SPAG16: variants seen among roughly 807,000 people sequenced by gnomAD.
SPAG16 encodes sperm-associated antigen 16 protein.
SPAG16 carries 86 observed loss-of-function variants against 80.4 expected under a neutral mutation model. That is an observed-to-expected ratio of 1.07 (90% confidence interval 0.90 to 1.28). SPAG16 has a LOEUF of 1.28. Among genes scored for constraint, SPAG16 ranks in the 50% most tolerant of loss-of-function variants. The probability of loss-of-function intolerance (pLI) is 0.00; values close to 1 mark genes in which losing one functional copy is unlikely to be tolerated. For synonymous variants in SPAG16, 294 were observed against 265.9 expected, an observed-to-expected ratio of 1.11 and a Z score of -1.03; for missense variants, 870 against 765.3, an observed-to-expected ratio of 1.14 and a Z score of -1.61.
intron 15 of SPAG16, among the ~76,000 whole-genome samples, chr2:214,163,177 C>T (rs911229208): frequency 3.3e-5 from 5 of 151,894 alleles, no homozygotes; most frequent in Non-Finnish European, 7.4e-5. Context: ...TATGAATAAT[C>T]ATTATACATT....
At chr2:213,836,860 G>A (rs1966559) in intron 10 of SPAG16, among the ~76,000 whole-genome samples, 55,310 of 151,662 alleles carry the variant, frequency 0.36, 10,429 homozygotes, top group East Asian at 0.53. Flanking sequence ...GTGATCCCCC[G>A]GTCTCAGCCT....
At chr2:213,530,149 C>G (rs1308672453) in intron 10 of SPAG16, among the ~76,000 whole-genome samples, 2 of 152,146 alleles carry the variant, frequency 1.3e-5, no homozygotes, top group African/African-American at 2.4e-5. Context: ...TTTTAATAAG[C>G]TAGAGTATAC....
rs538183960 is a variant in SPAG16, at chr2:213,317,626, A to G, written c.536+270A>G. 7.5e-6 allele frequency: 8 copies of G among 1,068,838 alleles called. No homozygotes were observed. In the African/African-American group the frequency reaches 9.9e-5, roughly 13 times the overall value. The allele number at this position is 1,068,838 out of a possible 1,614,324, so 66.2% of individuals were successfully genotyped here. A position where few individuals can be genotyped will look rare whatever the true frequency, so the allele number is the denominator to read the frequency against. On this transcript the variant is annotated intron_variant, in intron 5 of 15. Coordinates refer to ENST00000331683, the MANE Select transcript of SPAG16 (RefSeq NM_024532.5). ...TAACATTCACTTCCTTGTGTATTTG[A>G]TAGTCTTTTCATGGTTTATAACATT...
At chr2:214,038,548 AT>A (rs1328440697) in intron 13 of SPAG16, among the ~76,000 whole-genome samples, 4 of 151,338 alleles carry the variant, frequency 2.6e-5, no homozygotes, top group South Asian at 2.1e-4. Context: ...TTTTTTTTAG[AT>A]TTTTTTTAAT....
chr2:213,750,816 G>T (rs1478400370), intron 10 of SPAG16, among the ~76,000 whole-genome samples: 1 of 152,190 alleles, frequency 6.6e-6, no homozygotes. Flanking sequence ...AGAATTATCT[G>T]ATATCTGTAG....
chr2:213,614,736 A>G (rs911008427), intron 10 of SPAG16, among the ~76,000 whole-genome samples: 12 of 152,226 alleles, frequency 7.9e-5, no homozygotes, highest in Admixed American at 1.3e-4. Flanking sequence ...TTATGCTTTT[A>G]TAAGATATTA....
chr2:213,702,523 G>A (rs1015448841), intron 10 of SPAG16, among the ~76,000 whole-genome samples: 5 of 152,102 alleles, frequency 3.3e-5, no homozygotes, highest in African/African-American at 7.2e-5. Context: ...CTGTAACGCC[G>A]CGAGGGTCCA....
chr2:214,407,828 C>T (rs1702081949), intron 15 of SPAG16, among the ~76,000 whole-genome samples: 1 of 152,120 alleles, frequency 6.6e-6, no homozygotes, highest in Non-Finnish European at 1.5e-5. Flanking sequence ...GTTAGCATCC[C>T]TGTTCCCAGC....
chr2:214,207,553 A>C (rs764487755), intron 15 of SPAG16, among the ~76,000 whole-genome samples: 11 of 152,024 alleles, frequency 7.2e-5, no homozygotes, highest in Non-Finnish European at 1.6e-4. Flanking sequence ...TTGATTTCTC[A>C]TGCTTATTTC....
chr2:213,419,892 C>G (rs1037795810), intron 9 of SPAG16, among the ~76,000 whole-genome samples: 1 of 152,208 alleles, frequency 6.6e-6, no homozygotes, highest in African/African-American at 2.4e-5. Context: ...GTGGGACTTT[C>G]ACATGCAAAT....
At chr2:214,081,982 C>A (rs2125266782) in intron 13 of SPAG16, among the ~76,000 whole-genome samples, 1 of 152,244 alleles carries the variant, frequency 6.6e-6, no homozygotes, top group South Asian at 2.1e-4. Context: ...TGGCCACTTC[C>A]TTCTGATTCC....
chr2:213,961,526 A>T (rs1355905745), intron 12 of SPAG16, among the ~76,000 whole-genome samples: 6 of 142,334 alleles, frequency 4.2e-5, no homozygotes, highest in African/African-American at 1.0e-4. Flanking sequence ...GTTGTTAGCT[A>T]TTTTTTTTTT....
chr2:214,355,679 A>G (rs1698736758), intron 15 of SPAG16, among the ~76,000 whole-genome samples: 1 of 151,684 alleles, frequency 6.6e-6, no homozygotes, highest in Admixed American at 6.6e-5. Context: ...CTGGGTATAT[A>G]CCCAAAAGAC....
intron 15 of SPAG16, among the ~76,000 whole-genome samples, chr2:214,215,508 C>A (rs1335983007): frequency 6.6e-6 from 1 of 152,188 alleles, no homozygotes; most frequent in African/African-American, 2.4e-5. Flanking sequence ...GCAACATTAT[C>A]TTTCCCCAGC....
chr2:213,686,873 T>A (rs895286325), intron 10 of SPAG16, among the ~76,000 whole-genome samples: 2 of 151,134 alleles, frequency 1.3e-5, no homozygotes, highest in Non-Finnish European at 3.0e-5. Flanking sequence ...TTAGCAGAGG[T>A]GGGGTTTCAC....
At chr2:214,176,954 T>A (rs1040322455) in intron 15 of SPAG16, among the ~76,000 whole-genome samples, 23 of 151,306 alleles carry the variant, frequency 1.5e-4, no homozygotes, top group Middle Eastern at 3.4e-3. Context: ...AAGCTTTTTT[T>A]AAAAAAATTT....
intron 12 of SPAG16, among the ~76,000 whole-genome samples, chr2:213,948,214 T>A (rs2079556656): frequency 6.6e-6 from 1 of 152,168 alleles, no homozygotes; most frequent in South Asian, 2.1e-4. Context: ...CAAAGTGTAA[T>A]AGCTACACTT....
chr2:213,610,169 G>T (rs1327972912), intron 10 of SPAG16, among the ~76,000 whole-genome samples: 5 of 151,742 alleles, frequency 3.3e-5, no homozygotes, highest in Non-Finnish European at 7.4e-5. Context: ...AAGTATTGAG[G>T]GAAATCAAAG....
At chr2:214,357,148 C>T (rs1698867240) in intron 15 of SPAG16, among the ~76,000 whole-genome samples, 1 of 151,772 alleles carries the variant, frequency 6.6e-6, no homozygotes, top group Non-Finnish European at 1.5e-5. Flanking sequence ...ATTTCTTTGG[C>T]TACTTTATGA....
Sources: gnomAD v4.1 joint callset for allele counts (sites outside exome capture counted in the v4.1 genomes callset) on GRCh38, gnomAD v4.1.1 for gene constraint, MANE v1.5 for transcripts, NCBI Gene and HGNC (gene_info 2026-07-23, HGNC 2026-07-21) for gene names.